Variants in CREB5 observed in about 807,000 individuals in gnomAD.
The protein encoded by CREB5 is cAMP responsive element binding protein 5, also known as cyclic AMP-responsive element-binding protein 5.
CREB5 carries 19 observed loss-of-function variants against 57.1 expected under a neutral mutation model. The ratio of observed to expected loss-of-function variants is 0.33; its 90% confidence interval spans 0.23 to 0.49. The LOEUF (loss-of-function observed/expected upper bound fraction) is 0.49, where lower values mean the gene tolerates loss of function less well. Among genes scored for constraint, CREB5 ranks in the 20% least tolerant of loss-of-function variants. The probability of loss-of-function intolerance (pLI) is 0.99; values close to 1 mark genes in which losing one functional copy is unlikely to be tolerated. For synonymous variants in CREB5, 238 were observed against 238.3 expected (o/e 1.00, Z 0.01); for missense variants, 579 against 671.6 (o/e 0.86, Z 1.52).
At chr7:28,363,769 G>A (rs926602251) in intron 1 of CREB5, among the ~76,000 whole-genome samples, 1 of 152,188 alleles carries the variant, frequency 6.6e-6, no homozygotes, top group African/African-American at 2.4e-5. Flanking sequence ...CCATTACCTA[G>A]CTAGGGGACT....
At chr7:28,629,942 T>C (rs1293101473) in intron 5 of CREB5, among the ~76,000 whole-genome samples, 1 of 152,154 alleles carries the variant, frequency 6.6e-6, no homozygotes, top group Non-Finnish European at 1.5e-5. Context: ...TCAGAAAACA[T>C]GGACTCTCAA....
At chr7:28,775,566 T>TATATATATATATATATATG (rs1396993277) in intron 7 of CREB5, among the ~76,000 whole-genome samples, 1 of 82,546 alleles carries the variant, frequency 1.2e-5, no homozygotes, top group African/African-American at 4.7e-5. Flanking sequence ...ATATATATAT[T>TATATATATATATATATATG]AGCGTATTTT....
chr7:28,452,461 T>C (rs1328195763), intron 1 of CREB5, among the ~76,000 whole-genome samples: 1 of 152,116 alleles, frequency 6.6e-6, no homozygotes, highest in Middle Eastern at 3.2e-3. Context: ...AATAAAATAA[T>C]GTGTATTTGT....
At chr7:28,575,833 G>A (rs539761566) in intron 5 of CREB5, among the ~76,000 whole-genome samples, 8 of 152,262 alleles carry the variant, frequency 5.3e-5, no homozygotes, top group African/African-American at 9.6e-5. Flanking sequence ...TATGGCTCCC[G>A]TTAAATCCCA....
intron 7 of CREB5, among the ~76,000 whole-genome samples, chr7:28,775,032 T>A (rs1431187390): frequency 2.0e-5 from 3 of 152,240 alleles, no homozygotes; most frequent in Non-Finnish European, 4.4e-5. Flanking sequence ...TGGTTATATT[T>A]TGTTTTTAAC....
chr7:28,426,340 C>T (rs1788510453), intron 1 of CREB5, among the ~76,000 whole-genome samples: 1 of 152,230 alleles, frequency 6.6e-6, no homozygotes. Flanking sequence ...AGCTCATACT[C>T]TGTCCATTCT....
chr7:28,673,470 T>C (rs1800149274), intron 5 of CREB5, among the ~76,000 whole-genome samples: 1 of 152,184 alleles, frequency 6.6e-6, no homozygotes, highest in Non-Finnish European at 1.5e-5. Context: ...TCACATACAT[T>C]AATAAGGTGT....
intron 7 of CREB5, among the ~76,000 whole-genome samples, chr7:28,729,364 T>G (rs1449921515): frequency 6.6e-6 from 1 of 152,214 alleles, no homozygotes; most frequent in African/African-American, 2.4e-5. Flanking sequence ...AGTGCTTCTG[T>G]CGGCTCGTGG....
chr7:28,628,391 G>T (rs527716017), intron 5 of CREB5, among the ~76,000 whole-genome samples: 1 of 152,226 alleles, frequency 6.6e-6, no homozygotes, highest in East Asian at 1.9e-4. Flanking sequence ...ACCTCTTCTA[G>T]TTCTGATTTG....
In CREB5 at chr7:28,306,555, GTTTTTTTTTTTTTT is replaced by G. The variant is rs869277871; in HGVS notation, c.-25+7124_-25+7137del. On this transcript the variant is annotated intron_variant, in intron 1 of 9. Transcript: ENST00000396299. ...ATACAGATACAGTTTTGTTTTTTTT[GTTTTTTTTTTTTTT>G]TTTTTTTTTGAGACGGAGTCTCGCT... Among the ~76,000 whole-genome samples the G allele has an allele frequency of 2.2e-4, 13 of 58,086 alleles. 1 individual carries two copies. The highest frequency in any genetic ancestry group is 8.4e-4 in the African/African-American group (13 of 15,492). 38.1% of individuals were successfully genotyped at this position (58,086 alleles called of 152,430 possible).
intron 1 of CREB5, among the ~76,000 whole-genome samples, chr7:28,420,650 T>C (rs1788207467): frequency 6.6e-6 from 1 of 151,106 alleles, no homozygotes; most frequent in Non-Finnish European, 1.5e-5. Flanking sequence ...CTACTAAAAA[T>C]ACAAAAAATT....
intron 1 of CREB5, among the ~76,000 whole-genome samples, chr7:28,425,435 G>A (rs567953017): frequency 1.3e-5 from 2 of 152,258 alleles, no homozygotes; most frequent in South Asian, 4.1e-4. Context: ...CCTAGGACTG[G>A]GGGTGGGGTG....
chr7:28,539,947 G>A (rs1562784094), intron 4 of CREB5, among the ~76,000 whole-genome samples: 1 of 152,164 alleles, frequency 6.6e-6, no homozygotes. Context: ...CTCATTCATT[G>A]GGCATAAATT....
chr7:28,452,634 G>A (rs1238664870), intron 1 of CREB5, among the ~76,000 whole-genome samples: 1 of 152,190 alleles, frequency 6.6e-6, no homozygotes, highest in Admixed American at 6.5e-5. Flanking sequence ...TGCAGGAGCA[G>A]GGGAGGGAAT....
chr7:28,300,916 C>T (rs1047387231), intron 1 of CREB5, among the ~76,000 whole-genome samples: 3 of 152,118 alleles, frequency 2.0e-5, no homozygotes, highest in African/African-American at 7.2e-5. Flanking sequence ...ATTCTCAGGC[C>T]CTGGTCCAGA....
chr7:28,563,357 G>A (rs1187661906), intron 4 of CREB5, among the ~76,000 whole-genome samples: 1 of 152,148 alleles, frequency 6.6e-6, no homozygotes, highest in Non-Finnish European at 1.5e-5. Context: ...CCATTTTAAA[G>A]ATGAGAAAGG....
chr7:28,309,394 T>G (rs1785238469), intron 1 of CREB5, among the ~76,000 whole-genome samples: 1 of 152,168 alleles, frequency 6.6e-6, no homozygotes, highest in African/African-American at 2.4e-5. Flanking sequence ...TCTTTTCTCT[T>G]GATGCCATAA....
At chr7:28,301,298 T>C (rs1035943933) in intron 1 of CREB5, among the ~76,000 whole-genome samples, 2 of 152,208 alleles carry the variant, frequency 1.3e-5, no homozygotes, top group African/African-American at 2.4e-5. Flanking sequence ...TCTAGACTAG[T>C]GTGTGTGGGA....
At chr7:28,323,315 A>G (rs921645095) in intron 1 of CREB5, among the ~76,000 whole-genome samples, 1 of 152,168 alleles carries the variant, frequency 6.6e-6, no homozygotes, top group Non-Finnish European at 1.5e-5. Context: ...GTAGCAGCAA[A>G]TCTTATTTAC....
Sources: gnomAD v4.1 joint callset for allele counts (sites outside exome capture counted in the v4.1 genomes callset) on GRCh38, gnomAD v4.1.1 for gene constraint, MANE v1.5 for transcripts, NCBI Gene and HGNC (gene_info 2026-07-23, HGNC 2026-07-21) for gene names.